Variants in USO1 observed in about 807,000 individuals in gnomAD.
USO1 encodes general vesicular transport factor p115.
A neutral mutation model predicts 124.5 loss-of-function variants in USO1; 57 were observed. The ratio of observed to expected loss-of-function variants is 0.46; its 90% CI spans 0.37 to 0.57. The LOEUF (loss-of-function observed/expected upper bound fraction) is 0.57, where lower values mean the gene tolerates loss of function less well. USO1 is among the 20% of genes least tolerant of loss of function. The probability of loss-of-function intolerance (pLI) is 0.00; values close to 1 mark genes in which losing one functional copy is unlikely to be tolerated. For synonymous variants in USO1, 369 were observed against 362.8 expected, an observed-to-expected ratio of 1.02 and a Z score of -0.19; for missense variants, 900 against 1,040.6, an observed-to-expected ratio of 0.86 and a Z score of 1.86.
chr4:75,739,144 G>A (rs368728985), intron 1 of USO1, among the ~76,000 whole-genome samples: 5 of 152,266 alleles, frequency 3.3e-5, no homozygotes, highest in African/African-American at 1.2e-4. Flanking sequence ...GAGCCACTGA[G>A]CCCAGCCAAG....
intron 13 of USO1, among the ~76,000 whole-genome samples, chr4:75,796,251 A>G (rs1399977387): frequency 6.7e-6 from 1 of 150,102 alleles, no homozygotes; most frequent in Non-Finnish European, 1.5e-5. Flanking sequence ...GTTTCATGTG[A>G]TGATTTTTGG....
chr4:75,794,444 C>T (rs1040605744), intron 13 of USO1, among the ~76,000 whole-genome samples: 7 of 152,170 alleles, frequency 4.6e-5, no homozygotes, highest in African/African-American at 1.7e-4. Context: ...AAAATTTTTG[C>T]ATGTCTTAGA....
chr4:75,729,921 A>C (rs1720580877), intron 1 of USO1: 1 of 414,396 alleles, frequency 2.4e-6, no homozygotes, highest in Non-Finnish European at 4.7e-6. Flanking sequence ...GTGGACTTAA[A>C]TTTAGACATA....
At chr4:75,729,087 C>G (rs947494074) in intron 1 of USO1, among the ~76,000 whole-genome samples, 17 of 152,136 alleles carry the variant, frequency 1.1e-4, no homozygotes, top group Admixed American at 1.1e-3. Flanking sequence ...TGAGCCACGG[C>G]ACCTGGCCCC....
chr4:75,787,112 C>T lies in USO1; in HGVS notation c.906C>T (p.Ser302=), dbSNP rs553315336. 1 of 1,607,782 alleles carries T rather than the reference C, an allele frequency of 6.2e-7. No individual in the cohort carries two copies. Among genetic ancestry groups the T allele is most frequent in the East Asian group, 2.3e-5 (1 of 44,086 alleles). Residue 302 remains serine (S), a synonymous_variant, in exon 10 of 24, where the codon AGC becomes AGT. Transcript: ENST00000514213. ...SPTNPPGATS[S]CQKAMFQCGL... ...CCAACCCTCCTGGTGCTACCAGTAGCTGCCAGAAGGCTATGTTCCAGTGTG... is the reference window on the plus strand; with the variant it reads ...CCAACCCTCCTGGTGCTACCAGTAGTTGCCAGAAGGCTATGTTCCAGTGTG...
chr4:75,793,644 C>A, intron 12 of USO1, 46 bp from the exon 13 acceptor site: 1 of 1,549,328 alleles, frequency 6.5e-7, no homozygotes, highest in Non-Finnish European at 8.7e-7. Context: ...ATTTGGTTTA[C>A]GTCAAAATCT....
At chr4:75,753,612 G>T (rs1721349242) in intron 3 of USO1, among the ~76,000 whole-genome samples, 1 of 151,970 alleles carries the variant, frequency 6.6e-6, no homozygotes, top group African/African-American at 2.4e-5. Context: ...CAGCTTCTCG[G>T]GAGGCTGAGG....
chr4:75,770,364 C>G (rs963140718), intron 4 of USO1, 75 bp from the exon 5 acceptor site: 10 of 1,375,856 alleles, frequency 7.3e-6, no homozygotes, highest in African/African-American at 1.5e-5. Flanking sequence ...ATCATTCACG[C>G]TTAACTCTTC....
At chr4:75,760,705 A>G (rs1577943296) in intron 4 of USO1, 1 of 394,340 alleles carries the variant, frequency 2.5e-6, no homozygotes, top group African/African-American at 2.1e-5. Flanking sequence ...TGGTAAAAAA[A>G]AAATCTGAAA....
chr4:75,779,761 T>G (rs1309363172), intron 8 of USO1, among the ~76,000 whole-genome samples: 1 of 152,226 alleles, frequency 6.6e-6, no homozygotes, highest in Non-Finnish European at 1.5e-5. Context: ...CAGCAAGTGC[T>G]GATGTAGAAA....
chr4:75,776,730 T>C (rs2149171765), intron 8 of USO1, among the ~76,000 whole-genome samples: 1 of 152,262 alleles, frequency 6.6e-6, no homozygotes, highest in Admixed American at 6.5e-5. Context: ...TAGATATTTA[T>C]GGTCCTACCT....
Position 75,787,123 on chromosome 4 carries a change from C to G in USO1, c.917C>G (p.Ala306Gly), listed in dbSNP as rs774202248. 60 of 1,607,912 alleles carry G rather than the reference C, an allele frequency of 3.7e-5. No individual in the cohort carries two copies. Among genetic ancestry groups the G allele is most frequent in the Non-Finnish European group, 5.1e-5 (60 of 1,177,480 alleles). ...GGTGCTACCAGTAGCTGCCAGAAGG[C>G]TATGTTCCAGTGTGGGTTATTGCAG... ...PPGATSSCQK[A>G]MFQCGLLQQL... Residue 306 changes from alanine (A) to glycine (G), a missense_variant, in exon 10 of 24, where the codon GCT becomes GGT. Coordinates refer to ENST00000514213, the MANE Select transcript of USO1 (RefSeq NM_003715.4).
chr4:75,732,496 A>C (rs746669107), intron 1 of USO1, among the ~76,000 whole-genome samples: 5 of 152,170 alleles, frequency 3.3e-5, no homozygotes, highest in Non-Finnish European at 7.3e-5. Flanking sequence ...TTTTGATAGA[A>C]TGATTTATTT....
In USO1 at chr4:75,813,467, C is replaced by A; in HGVS notation, c.*172C>A. 1.7e-6 allele frequency: 1 copy of A among 596,784 alleles called. No homozygotes were observed. The highest frequency in any genetic ancestry group is 2.5e-6 in the Non-Finnish European group (1 of 393,186). The allele number at this position is 596,784 out of a possible 1,614,324, so 37.0% of individuals were successfully genotyped here. A position where few individuals can be genotyped will look rare whatever the true frequency, so the allele number is the denominator to read the frequency against. ...GCCACCCATGTTGAAAACCTTAAAA[C>A]TGAATTTATGTAGAACACACATCTT... is the stretch of plus-strand genomic sequence containing the variant. On this transcript the variant is annotated 3_prime_UTR_variant, in exon 24 of 24. Transcript: ENST00000514213.
chr4:75,775,399 C>T (rs561065787), intron 8 of USO1, among the ~76,000 whole-genome samples: 15 of 152,146 alleles, frequency 9.9e-5, no homozygotes, highest in African/African-American at 3.1e-4. Flanking sequence ...ATTAGCTGGG[C>T]GTGGTGGTAA....
At chr4:75,769,053 GAAT>G (rs1397236124) in intron 4 of USO1, among the ~76,000 whole-genome samples, 1 of 151,878 alleles carries the variant, frequency 6.6e-6, no homozygotes, top group African/African-American at 2.4e-5. Flanking sequence ...CAAAAGCTTG[GAAT>G]CACTCTTCCT....
chr4:75,800,562 A>C lies in USO1; in HGVS notation c.1683-56A>C, dbSNP rs368073025. The C allele has an allele frequency of 1.2e-5, 17 of 1,420,332 alleles. No homozygotes were observed. In the African/African-American group the frequency reaches 2.8e-4, roughly 23 times the overall value. 88.0% of individuals were successfully genotyped at this position (1,420,332 alleles called of 1,614,324 possible). ...AAAGCATTATGTAGACCAAGCTTTT[A>C]TGTTTTGTTTTGATTTTATTTTTTT... On this transcript the variant is annotated intron_variant, in intron 15 of 23. Coordinates refer to ENST00000514213, the MANE Select transcript of USO1 (RefSeq NM_003715.4).
At chr4:75,777,691 C>G (rs1722109347) in intron 8 of USO1, among the ~76,000 whole-genome samples, 1 of 152,112 alleles carries the variant, frequency 6.6e-6, no homozygotes. Context: ...ATTGACACCA[C>G]CAAATGATGG....
intron 1 of USO1, among the ~76,000 whole-genome samples, chr4:75,737,181 C>G (rs1050769397): frequency 6.6e-6 from 1 of 152,154 alleles, no homozygotes; most frequent in Admixed American, 6.5e-5. Context: ...TAAATGTGGA[C>G]GAGTTACTTA....
Sources: allele counts gnomAD v4.1 joint callset (sites outside exome capture counted in the v4.1 genomes callset), GRCh38; gene constraint gnomAD v4.1.1; transcripts MANE v1.5; gene names NCBI Gene and HGNC (gene_info 2026-07-23, HGNC 2026-07-21).